VOPP1: variants seen among roughly 807,000 people sequenced by gnomAD.
VOPP1 encodes WW domain binding protein VOPP1.
A neutral mutation model predicts 23.5 loss-of-function variants in VOPP1; 8 were observed. The observed-to-expected ratio is 0.34, with a 90% confidence interval of 0.20 to 0.61. VOPP1 has a LOEUF of 0.61. VOPP1 is among the 20% of genes least tolerant of loss of function. VOPP1 has a pLI of 0.78. For missense variants in VOPP1, 174 were observed against 238.1 expected (o/e 0.73, Z 1.77); for synonymous variants, 83 against 97.3 (o/e 0.85, Z 0.86).
intron 1 of VOPP1, among the ~76,000 whole-genome samples, chr7:55,567,000 A>G (rs767226894): frequency 1.5e-4 from 23 of 152,210 alleles, no homozygotes; most frequent in Non-Finnish European, 2.6e-4. Flanking sequence ...TTTCCCCTCA[A>G]TATTACAGAA....
downstream of VOPP1, among the ~76,000 whole-genome samples, chr7:55,466,911 C>A (rs1471364629): frequency 2.6e-5 from 4 of 152,344 alleles, no homozygotes; most frequent in Admixed American, 2.6e-4. Context: ...GCAGTGGTCC[C>A]AGCCTTTTTG....
Position 55,492,351 on chromosome 7 carries a change from G to T in VOPP1, c.259C>A (p.Pro87Thr). The T allele has an allele frequency of 2.5e-6, 4 of 1,609,120 alleles. No homozygotes were observed. The highest frequency in any genetic ancestry group is 2.2e-5 in the East Asian group (1 of 44,664). ...GCTGGCTCCTCGATCAGCGGCGGGG[G>T]GTACATGCGCCTCCGGATGAAGAAG... Reference protein sequence around the residue: ...AGFFIRRRMYPPPLIEEPAFN... With the variant: ...AGFFIRRRMYTPPLIEEPAFN... The change falls in exon 4 of 5, where the codon CCC becomes ACC. Residue 87 changes from proline (P) to threonine (T), a missense_variant. Coordinates refer to ENST00000285279, the MANE Select transcript of VOPP1 (RefSeq NM_030796.5).
chr7:55,484,141 TTTTG>T (rs1220628982), intron 4 of VOPP1, among the ~76,000 whole-genome samples: 1 of 152,224 alleles, frequency 6.6e-6, no homozygotes, highest in Non-Finnish European at 1.5e-5. Context: ...CTCTGCCATG[TTTTG>T]TTTTTGTTTC....
intron 4 of VOPP1, among the ~76,000 whole-genome samples, chr7:55,439,012 G>A (rs1207514191): frequency 6.6e-6 from 1 of 152,224 alleles, no homozygotes; most frequent in Non-Finnish European, 1.5e-5. Context: ...TGGGCTGGGA[G>A]GGCCGGGCTG....
At chr7:55,505,312 G>A (rs1328805042) in intron 2 of VOPP1, among the ~76,000 whole-genome samples, 1 of 152,164 alleles carries the variant, frequency 6.6e-6, no homozygotes, top group Non-Finnish European at 1.5e-5. Flanking sequence ...TCCATGCCCT[G>A]AAGCTGAAAT....
chr7:55,495,534 A>G (rs1793891825), intron 3 of VOPP1, among the ~76,000 whole-genome samples: 1 of 151,992 alleles, frequency 6.6e-6, no homozygotes, highest in African/African-American at 2.4e-5. Context: ...TCTGCCCCAA[A>G]CGCCCTCTCT....
intron 1 of VOPP1, chr7:55,538,712 C>A (rs761395732): frequency 1.3e-4 from 197 of 1,515,412 alleles, no homozygotes; most frequent in Admixed American, 4.6e-4. Context: ...CAAGAGAGGG[C>A]GGATTAAAAT....
chr7:55,516,932 A>ATATTTT (rs1562947689), intron 2 of VOPP1, among the ~76,000 whole-genome samples: 3 of 45,156 alleles, frequency 6.6e-5, no homozygotes, highest in African/African-American at 3.6e-4. Flanking sequence ...ATATATATAT[A>ATATTTT]TTTTTTTTTT....
intron 4 of VOPP1, among the ~76,000 whole-genome samples, chr7:55,485,634 C>T (rs1353721956): frequency 2.0e-5 from 3 of 152,224 alleles, no homozygotes; most frequent in Admixed American, 6.5e-5. Flanking sequence ...CTCATAACCC[C>T]GGCTGTCCTG....
intron 4 of VOPP1, among the ~76,000 whole-genome samples, chr7:55,463,404 T>G (rs1791554657): frequency 6.6e-6 from 1 of 152,238 alleles, no homozygotes; most frequent in Non-Finnish European, 1.5e-5. Context: ...TGTCTCTTCT[T>G]TCAATTTTAT....
At chr7:55,507,394 T>C (rs1794798907) in intron 2 of VOPP1, among the ~76,000 whole-genome samples, 1 of 152,026 alleles carries the variant, frequency 6.6e-6, no homozygotes, top group Non-Finnish European at 1.5e-5. Flanking sequence ...GGGGGTGTTG[T>C]TCTGGCTTTT....
chr7:55,564,404 A>G (rs535629649), intron 1 of VOPP1, among the ~76,000 whole-genome samples: 50 of 152,250 alleles, frequency 3.3e-4, no homozygotes, highest in South Asian at 1.2e-3. Context: ...AATGAGGCCA[A>G]CTAAAGAGCT....
chr7:55,549,492 A>C (rs1797510745), intron 1 of VOPP1, among the ~76,000 whole-genome samples: 1 of 152,208 alleles, frequency 6.6e-6, no homozygotes, highest in Non-Finnish European at 1.5e-5. Context: ...CTGAGACTGA[A>C]CCAGACCTCA....
At chr7:55,497,269 G>C (rs981377911) in intron 3 of VOPP1, among the ~76,000 whole-genome samples, 2 of 152,244 alleles carry the variant, frequency 1.3e-5, no homozygotes, top group Non-Finnish European at 2.9e-5. Context: ...GCCAGTCTCA[G>C]TTGGGTGATT....
chr7:55,454,648 C>T (rs920018787), intron 4 of VOPP1, among the ~76,000 whole-genome samples: 4 of 152,262 alleles, frequency 2.6e-5, no homozygotes, highest in African/African-American at 9.6e-5. Flanking sequence ...GTTCAACATA[C>T]ACAAATCAAT....
downstream of VOPP1, among the ~76,000 whole-genome samples, chr7:55,435,620 C>T (rs1195851832): frequency 1.3e-5 from 2 of 152,198 alleles, no homozygotes; most frequent in South Asian, 2.1e-4. Flanking sequence ...AAGGCTATTC[C>T]ATCCATTGTC....
At chr7:55,500,339 C>G (rs974488851) in intron 2 of VOPP1, among the ~76,000 whole-genome samples, 3 of 152,238 alleles carry the variant, frequency 2.0e-5, no homozygotes, top group Non-Finnish European at 4.4e-5. Context: ...ATAGCAGCCA[C>G]GTGAGAGGGC....
intron 4 of VOPP1, among the ~76,000 whole-genome samples, chr7:55,460,579 G>A (rs114793969): frequency 0.01 from 1,591 of 152,232 alleles, 32 homozygotes; most frequent in African/African-American, 0.037. Context: ...CTGGGTGCTC[G>A]AGTGTGGGGT....
intron 1 of VOPP1, chr7:55,538,481 C>G: frequency 1.4e-6 from 1 of 704,104 alleles, no homozygotes; most frequent in South Asian, 2.4e-5. Flanking sequence ...GCCCTTCCTG[C>G]CAGGCTACAC....
Sources: allele counts gnomAD v4.1 joint callset (sites outside exome capture counted in the v4.1 genomes callset), GRCh38; gene constraint gnomAD v4.1.1; transcripts MANE v1.5; gene names NCBI Gene and HGNC (gene_info 2026-07-23, HGNC 2026-07-21).